SLC9B1: variants seen among roughly 807,000 people sequenced by gnomAD.
The protein encoded by SLC9B1 is sodium/hydrogen exchanger 9B1.
In SLC9B1, 32 loss-of-function variants were observed where a neutral mutation model predicts 51.7. The observed-to-expected ratio is 0.62, with a 90% CI of 0.47 to 0.83. The LOEUF (loss-of-function observed/expected upper bound fraction) is 0.83, where lower values mean the gene tolerates loss of function less well. SLC9B1 is among the 40% of genes least tolerant of loss of function. The pLI, the probability that SLC9B1 is intolerant of heterozygous loss-of-function variation, is 0.00. For missense variants in SLC9B1, 406 were observed against 613.2 expected, an observed-to-expected ratio of 0.66 and a Z score of 3.57; for synonymous variants, 145 against 212.7, an observed-to-expected ratio of 0.68 and a Z score of 2.77.
At position 102,904,058 on chromosome 4, in the gene SLC9B1, T is replaced by G. The variant is rs564438342; in HGVS notation, c.1332+1456A>C. On this transcript the variant is annotated intron_variant, in intron 11 of 11. Transcript: ENST00000296422. ...AAAAATCAATGTGTCTCTATTTTACTTTACTTTTTTTTTTTTTGGAGACAG... is the reference window on the plus strand; with the variant it reads ...AAAAATCAATGTGTCTCTATTTTACGTTACTTTTTTTTTTTTTGGAGACAG... Among the ~76,000 whole-genome samples the G allele has an allele frequency of 5.6e-4, 85 of 152,110 alleles. 2 individuals carry two copies. The South Asian group carries it at 0.017, about 31-fold the overall frequency.
intron 3 of SLC9B1, among the ~76,000 whole-genome samples, chr4:102,954,721 G>T (rs1367657462): frequency 6.6e-6 from 1 of 152,042 alleles, no homozygotes; most frequent in East Asian, 1.9e-4. Flanking sequence ...TCTACTGAAA[G>T]ATATGCTTTA....
intron 3 of SLC9B1, among the ~76,000 whole-genome samples, chr4:102,955,659 C>T (rs996672890): frequency 6.6e-6 from 1 of 151,728 alleles, no homozygotes; most frequent in Non-Finnish European, 1.5e-5. Context: ...AAGTGGAAGA[C>T]AAGACAAAAA....
intron 7 of SLC9B1, among the ~76,000 whole-genome samples, chr4:102,918,436 G>C (rs572814398): frequency 6.6e-6 from 1 of 152,216 alleles, no homozygotes; most frequent in South Asian, 2.1e-4. Context: ...ACCTGATAAG[G>C]GGTTAATATC....
chr4:102,945,113 A>G, intron 6 of SLC9B1, 80 bp downstream of exon 6: 1 of 1,342,938 alleles, frequency 7.4e-7, no homozygotes, highest in Non-Finnish European at 9.8e-7. Context: ...TTTTCTATAC[A>G]ACATTCTGAA....
intron 3 of SLC9B1, among the ~76,000 whole-genome samples, chr4:102,961,378 A>G (rs1352244209): frequency 6.6e-6 from 1 of 152,402 alleles, no homozygotes; most frequent in Non-Finnish European, 1.5e-5. Context: ...AACTGACTAC[A>G]TACTTCAGAT....
At chr4:102,936,689 C>T (rs1736740435) in intron 6 of SLC9B1, among the ~76,000 whole-genome samples, 1 of 152,156 alleles carries the variant, frequency 6.6e-6, no homozygotes, top group Admixed American at 6.5e-5. Context: ...TGAATTAACT[C>T]AGTCAGATGA....
rs551905710 is a variant in SLC9B1 at position 102,983,778 on chromosome 4, CTTAG to C, written c.211+6018_211+6021del. ...AATGTGTGTCTTCTCTCATATTTTT[CTTAG>C]TTAGTTTGGCTAAAGGCTTATCAAT... On this transcript the variant is annotated intron_variant, in intron 3 of 11. Coordinates refer to ENST00000296422, the MANE Select transcript of SLC9B1 (RefSeq NM_139173.4). 1.5e-3 allele frequency among the ~76,000 whole-genome samples: 232 copies of C among 152,092 alleles called. 2 individuals are homozygous for C. The highest frequency in any genetic ancestry group is 5.2e-3 in the African/African-American group (218 of 41,524).
At chr4:102,885,388 T>G in intron 11 of SLC9B1, 1 of 1,614,112 alleles carries the variant, frequency 6.2e-7, no homozygotes, top group Non-Finnish European at 8.5e-7. Context: ...AAGATTTGTG[T>G]CTTACTAAAG....
chr4:102,979,506 A>G (rs79706871), intron 3 of SLC9B1, among the ~76,000 whole-genome samples: 2 of 152,248 alleles, frequency 1.3e-5, no homozygotes, highest in South Asian at 2.1e-4. Flanking sequence ...TTAACTGCGT[A>G]CTCAAAGTCT....
intron 3 of SLC9B1, among the ~76,000 whole-genome samples, chr4:102,967,085 A>G (rs576946081): frequency 1.3e-5 from 2 of 152,280 alleles, no homozygotes; most frequent in Non-Finnish European, 2.9e-5. Context: ...CTTGTTCCTC[A>G]TTTCTATCTG....
intron 6 of SLC9B1, among the ~76,000 whole-genome samples, chr4:102,942,426 T>C (rs1264933184): frequency 1.3e-5 from 2 of 152,156 alleles, no homozygotes; most frequent in Admixed American, 1.3e-4. Context: ...GACTTCAAAC[T>C]ATACTATAAG....
At chr4:102,937,500 G>T (rs1372195544) in intron 6 of SLC9B1, among the ~76,000 whole-genome samples, 2 of 150,084 alleles carry the variant, frequency 1.3e-5, no homozygotes, top group African/African-American at 2.4e-5. Context: ...GCTGAGGGGG[G>T]TGGATCACAA....
chr4:102,997,688 G>A (rs1157278269), intron 1 of SLC9B1, among the ~76,000 whole-genome samples: 1 of 151,962 alleles, frequency 6.6e-6, no homozygotes, highest in Non-Finnish European at 1.5e-5. Context: ...TGCTGTTACA[G>A]TTGTTCTAAA....
chr4:102,896,308 C>A (rs1734534202), downstream of SLC9B1, among the ~76,000 whole-genome samples: 1 of 152,160 alleles, frequency 6.6e-6, no homozygotes, highest in Non-Finnish European at 1.5e-5. Flanking sequence ...AGGATACAAA[C>A]CTGACGAGAT....
chr4:102,969,292 G>A (rs6841492), intron 3 of SLC9B1, among the ~76,000 whole-genome samples: 82,672 of 152,016 alleles, frequency 0.54, 23,019 homozygotes, highest in African/African-American at 0.67. Context: ...TCCAGAGGAA[G>A]GATCAGGCAG....
chr4:102,915,147 CTG>C (rs1272042128), intron 7 of SLC9B1, among the ~76,000 whole-genome samples: 1 of 151,072 alleles, frequency 6.6e-6, no homozygotes, highest in East Asian at 1.9e-4. Context: ...GCCAGTAAAA[CTG>C]TACTTCAAAA....
At chr4:102,893,867 C>T (rs1016854884) in intron 11 of SLC9B1, among the ~76,000 whole-genome samples, 1 of 152,110 alleles carries the variant, frequency 6.6e-6, no homozygotes, top group Non-Finnish European at 1.5e-5. Context: ...TGCACTCCAG[C>T]CTGGGTGACA....
chr4:103,017,754 A>G (rs772103347), intron 1 of SLC9B1, among the ~76,000 whole-genome samples: 10 of 152,226 alleles, frequency 6.6e-5, no homozygotes, highest in Non-Finnish European at 1.3e-4. Context: ...TTGCTCATAT[A>G]GTTTACCTAT....
chr4:102,980,724 C>T (rs904108828), intron 3 of SLC9B1, among the ~76,000 whole-genome samples: 3 of 152,032 alleles, frequency 2.0e-5, no homozygotes, highest in Non-Finnish European at 2.9e-5. Context: ...TGCATATGTA[C>T]CCTGGAACTT....
Sources: gnomAD v4.1 joint callset for allele counts (sites outside exome capture counted in the v4.1 genomes callset) on GRCh38, gnomAD v4.1.1 for gene constraint, MANE v1.5 for transcripts, NCBI Gene and HGNC (gene_info 2026-07-23, HGNC 2026-07-21) for gene names.